The following ST13 variants were observed in gnomAD, a reference collection of about 807,000 sequenced individuals.
ST13 encodes the protein ST13 Hsp70 interacting protein, also known as hsc70-interacting protein.
Under a neutral mutation model 56.7 loss-of-function variants are expected in ST13, and 23 were observed. That is an observed-to-expected ratio of 0.41 (90% CI 0.29 to 0.57). The LOEUF (loss-of-function observed/expected upper bound fraction) is 0.57. Among genes scored for constraint, ST13 ranks in the 20% least tolerant of loss-of-function variants. The pLI is 0.36. For synonymous variants in ST13, 132 were observed against 142.4 expected (o/e 0.93, Z 0.52); for missense variants, 369 against 459.9 (o/e 0.80, Z 1.81).
intron 7 of ST13, among the ~76,000 whole-genome samples, chr22:40,833,014 AC>A (rs1340337998): frequency 6.6e-6 from 1 of 152,212 alleles, no homozygotes; most frequent in African/African-American, 2.4e-5. Flanking sequence ...GCTTTTAGCT[AC>A]CTTCTATGTA....
At chr22:40,835,914 A>G in intron 5 of ST13, 27 bp from the exon 6 acceptor site, 1 of 1,529,704 alleles carries the variant, frequency 6.5e-7, no homozygotes, top group African/African-American at 1.4e-5. Context: ...GTTATCGAGA[A>G]ATATTCAGAG....
intron 7 of ST13, 179 bp downstream of exon 7, chr22:40,835,377 CTTTT>C (rs574474442): frequency 4.9e-5 from 21 of 432,920 alleles, no homozygotes; most frequent in African/African-American, 2.9e-4. Context: ...TTTTAAATTT[CTTTT>C]TTTTTTCTTT....
chr22:40,850,055 C>T (rs575037003), intron 2 of ST13, among the ~76,000 whole-genome samples: 47 of 152,142 alleles, frequency 3.1e-4, no homozygotes, highest in African/African-American at 1.0e-3. Flanking sequence ...GTCAGGAGTT[C>T]GAGACCCACC....
At chr22:40,831,825 G>A (rs370157483) in intron 8 of ST13, among the ~76,000 whole-genome samples, 4 of 152,018 alleles carry the variant, frequency 2.6e-5, no homozygotes, top group East Asian at 3.9e-4. Flanking sequence ...CTACTTTTGG[G>A]ATTCAATATT....
At chr22:40,832,058 G>A (rs554833645) in intron 8 of ST13, 208 of 373,800 alleles carry the variant, frequency 5.6e-4, no homozygotes, top group Non-Finnish European at 9.4e-4. Flanking sequence ...GTTTCACTAC[G>A]TTGGCCAGGC....
chr22:40,835,064 C>T (rs538973687), intron 7 of ST13, among the ~76,000 whole-genome samples: 2 of 152,012 alleles, frequency 1.3e-5, no homozygotes, highest in Non-Finnish European at 2.9e-5. Context: ...CCTCTTTATG[C>T]CCCCCCGCCT....
At chr22:40,837,793 G>A (rs2145738687) in intron 5 of ST13, among the ~76,000 whole-genome samples, 1 of 152,272 alleles carries the variant, frequency 6.6e-6, no homozygotes, top group East Asian at 1.9e-4. Context: ...TCATATTACA[G>A]AAACGTGCTA....
At chr22:40,840,115 A>T (rs1160584216) in intron 5 of ST13, among the ~76,000 whole-genome samples, 6 of 152,300 alleles carry the variant, frequency 3.9e-5, no homozygotes, top group African/African-American at 1.4e-4. Flanking sequence ...GCATCACTGC[A>T]CTCCAGCCTG....
chr22:40,826,481 C>G lies in ST13; in HGVS notation c.*57G>C. The G allele has an allele frequency of 3.2e-6, 5 of 1,575,756 alleles. No individual in the cohort carries two copies. Among genetic ancestry groups the G allele is most frequent in the Non-Finnish European group, 4.3e-6 (5 of 1,164,696 alleles). The stretch of plus-strand genomic sequence containing the variant: ...CACTGGTTTGTATTATTGCGACATC[C>G]ATAAGGTGATCTAGGTTGCTTTTCC... On this transcript the variant is annotated 3_prime_UTR_variant, in exon 12 of 12. Coordinates refer to ENST00000216218, the MANE Select transcript of ST13 (RefSeq NM_003932.5).
At position 40,843,711 on chromosome 22, in the gene ST13, T is replaced by C. The variant is rs191358062; in HGVS notation, c.315+1128A>G. Among the ~76,000 whole-genome samples the C allele has an allele frequency of 8.5e-5, 13 of 152,190 alleles. No homozygotes were observed. The East Asian group carries it at 2.3e-3, about 27-fold the overall frequency. The stretch of plus-strand genomic sequence containing the variant: ...ATGAGTCACAAACTAGCAGAAAATA[T>C]ATGCAGCACTAGCAACAAATTATTA... On this transcript the variant is annotated intron_variant, in intron 4 of 11. Transcript: ENST00000216218.
At chr22:40,853,342 C>CA (rs200755205) in intron 1 of ST13, among the ~76,000 whole-genome samples, 3,200 of 150,218 alleles carry the variant, frequency 0.021, 108 homozygotes, top group African/African-American at 0.073. Context: ...GAAATTGTTG[C>CA]AAAAAAAATA....
intron 5 of ST13, 98 bp downstream of exon 5, chr22:40,840,528 G>C: frequency 9.7e-7 from 1 of 1,035,622 alleles, no homozygotes. Flanking sequence ...CTCCAGTATA[G>C]GACAGGTACA....
Position 40,825,880 on chromosome 22 carries a change from A to C in ST13, c.*658T>G, listed in dbSNP as rs2057725322. 6.5e-6 allele frequency: 1 copy of C among 152,690 alleles called. No homozygotes were observed. Among genetic ancestry groups the C allele is most frequent in the African/African-American group, 2.4e-5 (1 of 41,468 alleles). 9.5% of individuals were successfully genotyped at this position (152,690 alleles called of 1,614,324 possible). On this transcript the variant is annotated 3_prime_UTR_variant, in exon 12 of 12. Coordinates refer to ENST00000216218, the MANE Select transcript of ST13 (RefSeq NM_003932.5). The stretch of plus-strand genomic sequence containing the variant: ...CCAACTCTACTGCAGCATTACAAAA[A>C]AAACATCCCTTCACCACAGTGTAAG...
chr22:40,832,446 A>C (rs556073505), intron 8 of ST13, 123 bp downstream of exon 8: 1 of 707,290 alleles, frequency 1.4e-6, no homozygotes, highest in South Asian at 1.7e-5. Context: ...GCAATTACAG[A>C]TTATATCTTC....
chr22:40,847,834 G>A (rs948935101), intron 3 of ST13, among the ~76,000 whole-genome samples: 99 of 152,018 alleles, frequency 6.5e-4, no homozygotes, highest in African/African-American at 2.3e-3. Context: ...GGATCACGAG[G>A]TCAGGAGTTC....
chr22:40,839,495 T>G (rs1254266815), intron 5 of ST13, among the ~76,000 whole-genome samples: 1 of 152,186 alleles, frequency 6.6e-6, no homozygotes, highest in African/African-American at 2.4e-5. Context: ...CCGGGCGCAG[T>G]GGTTCGCGTC....
intron 2 of ST13, among the ~76,000 whole-genome samples, chr22:40,849,512 C>T (rs963826393): frequency 2.2e-4 from 32 of 147,574 alleles, no homozygotes; most frequent in Non-Finnish European, 4.5e-4. Flanking sequence ...AAATTAGAAC[C>T]AAAAACCTAC....
Position 40,832,804 on chromosome 22 carries a change from A to G in ST13, c.579-133T>C, listed in dbSNP as rs115541811. ...TAAATATTAACTATAAACTTTCACT[A>G]ACCAATTCAATTACTATATCCCATT... On this transcript the variant is annotated intron_variant, in intron 7 of 11. Coordinates refer to ENST00000216218, the MANE Select transcript of ST13 (RefSeq NM_003932.5). The G allele has an allele frequency of 2.7e-3, 1,758 of 654,128 alleles. 26 individuals are homozygous for G. In the African/African-American group the frequency reaches 0.03, roughly 11 times the overall value. 40.5% of individuals were successfully genotyped at this position (654,128 alleles called of 1,614,324 possible).
chr22:40,827,848 C>T (rs564684418), intron 10 of ST13, among the ~76,000 whole-genome samples: 8 of 152,066 alleles, frequency 5.3e-5, no homozygotes, highest in African/African-American at 9.6e-5. Context: ...CTAATCTCGC[C>T]TTAAAAGCAA....
Sources: gnomAD v4.1 joint callset for allele counts (sites outside exome capture counted in the v4.1 genomes callset) on GRCh38, gnomAD v4.1.1 for gene constraint, MANE v1.5 for transcripts, NCBI Gene and HGNC (gene_info 2026-07-23, HGNC 2026-07-21) for gene names.